PACSIN1: variants seen among roughly 807,000 people sequenced by gnomAD.
The protein encoded by PACSIN1 is protein kinase C and casein kinase substrate in neurons protein 1.
PACSIN1 carries 15 observed loss-of-function variants against 59.5 expected under a neutral mutation model. The ratio of observed to expected loss-of-function variants is 0.25; its 90% confidence interval spans 0.17 to 0.39. The LOEUF is 0.39. Ranked by LOEUF, PACSIN1 falls within the 10% of genes least tolerant of loss-of-function variation. The probability of loss-of-function intolerance (pLI) is 1.00; values close to 1 mark genes in which losing one functional copy is unlikely to be tolerated. For synonymous variants in PACSIN1, 210 were observed against 220.6 expected (o/e 0.95, Z 0.42); for missense variants, 420 against 580.2 (o/e 0.72, Z 2.84).
chr6:34,526,514 G>A (rs1056434184), intron 2 of PACSIN1, 146 bp downstream of exon 2: 73 of 645,418 alleles, frequency 1.1e-4, no homozygotes, highest in African/African-American at 1.0e-3. Context: ...AACAGGCAGC[G>A]GTAGCCATGA....
chr6:34,529,399 G>C lies in PACSIN1; in HGVS notation c.459G>C (p.Leu153=), dbSNP rs781758762. The C allele has an allele frequency of 5.0e-6, 8 of 1,614,118 alleles. No individual in the cohort carries two copies. The South Asian group carries it at 7.7e-5, about 16-fold the overall frequency. Reference sequence around the variant, plus strand: ...TCCCTATTCCCCCCTCCCCACAGCTGGAGGCAGCCAAGAAGGCCTACCATT... The same window carrying C: ...TCCCTATTCCCCCCTCCCCACAGCTCGAGGCAGCCAAGAAGGCCTACCATT... The part of the protein sequence containing the change: ...QKPWAKKMKE[L]EAAKKAYHLA... The change falls in exon 5 of 10, where the codon CTG becomes CTC. Residue 153 remains leucine, a splice_region_variant and synonymous_variant. Transcript: ENST00000244458. This position sits in a 1 kb window ranked among gnomAD's most constrained non-coding sequence, Gnocchi z 6.3.
intron 1 of PACSIN1, among the ~76,000 whole-genome samples, chr6:34,486,422 G>C (rs1302645221): frequency 6.6e-6 from 1 of 152,164 alleles, no homozygotes; most frequent in Non-Finnish European, 1.5e-5. Flanking sequence ...GCCAGCTAGG[G>C]CAGGACTGAG....
rs372090978 is a variant in PACSIN1 at position 34,466,774 on chromosome 6, G to T, written c.-64+504G>T. On this transcript the variant is annotated intron_variant, in intron 1 of 9. Transcript: ENST00000244458. ...CCACAGCTGGGATGGGAGCGGGGAG[G>T]GGGGAGGAGGCAAGAAGGAGGCGAT... Among the ~76,000 whole-genome samples the T allele has an allele frequency of 3.0e-4, 45 of 152,286 alleles. 2 individuals are homozygous for T. Among genetic ancestry groups the T allele is most frequent in the African/African-American group, 9.6e-4 (40 of 41,558 alleles).
intron 1 of PACSIN1, among the ~76,000 whole-genome samples, chr6:34,520,154 G>T (rs377435681): frequency 1.3e-5 from 2 of 152,102 alleles, no homozygotes; most frequent in East Asian, 1.9e-4. Context: ...AGGGGCAGAG[G>T]CTCTAGTGGA....
chr6:34,515,790 G>A lies in PACSIN1; in HGVS notation c.-63-10453G>A, dbSNP rs1266751617. 3.3e-5 allele frequency among the ~76,000 whole-genome samples: 5 copies of A among 152,202 alleles called. No homozygotes were observed. In the South Asian group the frequency reaches 6.2e-4, roughly 19 times the overall value. ...GAGTGCCTGTGGCCCTCCCTCCTGC[G>A]CTCCCTGTCCCTCTGCTGCATTGCT... On this transcript the variant is annotated intron_variant, in intron 1 of 9. Coordinates refer to ENST00000244458, the MANE Select transcript of PACSIN1 (RefSeq NM_020804.5). The surrounding 1 kb of genome is among the most constrained non-coding windows in gnomAD (Gnocchi z 4.4).
chr6:34,512,772 T>A (rs1269673888), intron 1 of PACSIN1, among the ~76,000 whole-genome samples: 1 of 152,248 alleles, frequency 6.6e-6, no homozygotes, highest in Non-Finnish European at 1.5e-5. Flanking sequence ...ACTATGAAAC[T>A]TTTAGAAACT....
At chr6:34,498,210 C>T (rs534199177) in intron 1 of PACSIN1, among the ~76,000 whole-genome samples, 16 of 152,066 alleles carry the variant, frequency 1.1e-4, no homozygotes, top group South Asian at 4.2e-4. Context: ...TACAGGTGCG[C>T]GCCGCCACGC....
At chr6:34,524,998 A>G (rs1390455189) in intron 1 of PACSIN1, among the ~76,000 whole-genome samples, 3 of 152,172 alleles carry the variant, frequency 2.0e-5, no homozygotes, top group Non-Finnish European at 4.4e-5. Flanking sequence ...CACCTGGCTG[A>G]CCATGCTTCC....
At chr6:34,523,586 C>G (rs916149910) in intron 1 of PACSIN1, among the ~76,000 whole-genome samples, 1 of 152,220 alleles carries the variant, frequency 6.6e-6, no homozygotes, top group African/African-American at 2.4e-5. Context: ...CCTGGTGCCC[C>G]TTTGAAGGGT....
chr6:34,477,744 CTTTG>C (rs1234155057), intron 1 of PACSIN1, among the ~76,000 whole-genome samples: 4 of 152,052 alleles, frequency 2.6e-5, no homozygotes, highest in East Asian at 3.9e-4. Context: ...TCACTTTATC[CTTTG>C]TTTGTTTGTT....
At chr6:34,510,521 C>T (rs1441770871) in intron 1 of PACSIN1, among the ~76,000 whole-genome samples, 5 of 152,210 alleles carry the variant, frequency 3.3e-5, no homozygotes, top group Non-Finnish European at 4.4e-5. Flanking sequence ...CTGTGGGCTG[C>T]TTTCAATGCG....
At chr6:34,508,990 T>G (rs1767158795) in intron 1 of PACSIN1, among the ~76,000 whole-genome samples, 2 of 152,356 alleles carry the variant, frequency 1.3e-5, no homozygotes, top group South Asian at 4.1e-4. Context: ...CTGTTTCCTT[T>G]GCAGTGCTTA....
chr6:34,492,485 G>A (rs1024142647), intron 1 of PACSIN1, among the ~76,000 whole-genome samples: 2 of 152,132 alleles, frequency 1.3e-5, no homozygotes, highest in African/African-American at 4.8e-5. Context: ...CTAGGTTCAA[G>A]CGATTCTCCT....
At chr6:34,524,428 C>G (rs1002924564) in intron 1 of PACSIN1, among the ~76,000 whole-genome samples, 1 of 152,230 alleles carries the variant, frequency 6.6e-6, no homozygotes, top group Non-Finnish European at 1.5e-5. Context: ...CCTGCGTCCC[C>G]TGGCCACCCC....
chr6:34,473,446 G>A (rs1039237492), intron 1 of PACSIN1, among the ~76,000 whole-genome samples: 2 of 152,148 alleles, frequency 1.3e-5, no homozygotes, highest in Admixed American at 6.5e-5. Flanking sequence ...GCCCAGGGCT[G>A]CTTCTCCTTG....
intron 1 of PACSIN1, among the ~76,000 whole-genome samples, chr6:34,478,252 G>T (rs1272018152): frequency 1.4e-5 from 2 of 147,222 alleles, no homozygotes; most frequent in Non-Finnish European, 3.0e-5. Flanking sequence ...GTAGAGATGG[G>T]GTTTCATTAT....
intron 1 of PACSIN1, among the ~76,000 whole-genome samples, chr6:34,498,700 G>C (rs1482670354): frequency 6.6e-6 from 1 of 151,524 alleles, no homozygotes; most frequent in Non-Finnish European, 1.5e-5. Flanking sequence ...GGAGGCTGAG[G>C]TGGGAGGATC....
intron 2 of PACSIN1, among the ~76,000 whole-genome samples, chr6:34,527,065 T>C (rs1012832506): frequency 2.0e-5 from 3 of 152,168 alleles, no homozygotes; most frequent in Non-Finnish European, 4.4e-5. Flanking sequence ...CTGCATTTTG[T>C]GGCAGCAAGG....
Position 34,531,691 on chromosome 6 carries a change from G to A in PACSIN1, c.1129G>A (p.Gly377Ser), listed in dbSNP as rs778245556. 8.7e-6 allele frequency: 14 copies of A among 1,613,486 alleles called. No homozygotes were observed. In the Admixed American group the frequency reaches 1.2e-4, roughly 13 times the overall value. Reference protein sequence around the residue: ...NPFGGSETNGGANPFEDDSKG... With the variant: ...NPFGGSETNGSANPFEDDSKG... Reference sequence around the variant, plus strand: ...CTTTGGGGGCAGTGAGACCAACGGGGGCGCCAACCCCTTTGAGGACGACTC... The same window carrying A: ...CTTTGGGGGCAGTGAGACCAACGGGAGCGCCAACCCCTTTGAGGACGACTC... Residue 377 changes from glycine (G) to serine (S), a missense_variant, in exon 9 of 10, where the codon GGC (glycine) becomes AGC (serine). Gly to Ser is a moderately conservative substitution (Grantham distance 56, BLOSUM62 0). Transcript: ENST00000244458. This position sits in a 1 kb window ranked among gnomAD's most constrained non-coding sequence, Gnocchi z 4.4.
Sources: gnomAD v4.1 joint callset for allele counts (sites outside exome capture counted in the v4.1 genomes callset) on GRCh38, gnomAD v4.1.1 for gene constraint, Gnocchi (gnomAD v3.1) non-coding constraint, MANE v1.5 for transcripts, NCBI Gene and HGNC (gene_info 2026-07-23, HGNC 2026-07-21) for gene names.